COL22A1: variants seen among roughly 807,000 people sequenced by gnomAD.
COL22A1 encodes the protein collagen type XXII alpha 1 chain.
A neutral mutation model predicts 248.9 loss-of-function variants in COL22A1; 221 were observed. The observed-to-expected ratio is 0.89, with a 90% CI of 0.80 to 0.99. The LOEUF (loss-of-function observed/expected upper bound fraction) is 0.99, where lower values mean the gene tolerates loss of function less well. COL22A1 is among the 50% of genes least tolerant of loss of function. The pLI, the probability that COL22A1 is intolerant of heterozygous loss-of-function variation, is 0.00. For missense variants in COL22A1, 2,240 were observed against 2,179.0 expected (o/e 1.03, Z -0.56); for synonymous variants, 891 against 793.4 (o/e 1.12, Z -2.07).
At chr8:138,700,211 C>T in intron 31 of COL22A1, 67 bp from the exon 32 acceptor site, 5 of 1,492,618 alleles carry the variant, frequency 3.3e-6, no homozygotes, top group Non-Finnish European at 4.6e-6. Flanking sequence ...TTTTTAAAAC[C>T]TGCCTTGGAG....
At chr8:138,591,691 C>A (rs1205346620) in intron 63 of COL22A1, among the ~76,000 whole-genome samples, 190 bp from the exon 64 acceptor site, 2 of 152,172 alleles carry the variant, frequency 1.3e-5, no homozygotes, top group African/African-American at 2.4e-5. Context: ...CACACACACA[C>A]TCCAGCACAC....
intron 47 of COL22A1, among the ~76,000 whole-genome samples, chr8:138,643,890 G>A (rs1210116277): frequency 1.3e-5 from 2 of 151,964 alleles, no homozygotes; most frequent in Non-Finnish European, 2.9e-5. Context: ...TAGAAATGAG[G>A]TTTCACCATG....
chr8:138,841,009 GT>G (rs1006556290), intron 4 of COL22A1, among the ~76,000 whole-genome samples: 6 of 152,148 alleles, frequency 3.9e-5, no homozygotes, highest in Non-Finnish European at 5.9e-5. Flanking sequence ...ATGCAGGCAG[GT>G]TTGTTTGTTC....
At chr8:138,754,464 A>C (rs2131357256) in intron 21 of COL22A1, among the ~76,000 whole-genome samples, 1 of 152,376 alleles carries the variant, frequency 6.6e-6, no homozygotes, top group Non-Finnish European at 1.5e-5. Context: ...CTTAAAATAA[A>C]TCTGATCTAT....
At chr8:138,857,663 A>G (rs1472532513) in intron 3 of COL22A1, among the ~76,000 whole-genome samples, 1 of 152,240 alleles carries the variant, frequency 6.6e-6, no homozygotes, top group Non-Finnish European at 1.5e-5. Flanking sequence ...GCTGAGCTGC[A>G]ATGGGTCAAC....
intron 49 of COL22A1, among the ~76,000 whole-genome samples, chr8:138,632,803 C>T (rs1248677167): frequency 6.6e-6 from 1 of 152,142 alleles, no homozygotes; most frequent in Non-Finnish European, 1.5e-5. Flanking sequence ...AATATTTTAA[C>T]AAGTAACCTA....
At chr8:138,727,907 G>A (rs1037743443) in intron 23 of COL22A1, among the ~76,000 whole-genome samples, 2 of 152,150 alleles carry the variant, frequency 1.3e-5, no homozygotes, top group Admixed American at 6.5e-5. Flanking sequence ...ATCGTGGGCT[G>A]AGCCTTACTA....
At chr8:138,801,173 G>A (rs1393321427) in intron 11 of COL22A1, among the ~76,000 whole-genome samples, 3 of 152,028 alleles carry the variant, frequency 2.0e-5, no homozygotes, top group Non-Finnish European at 2.9e-5. Context: ...TGAAGGTGAA[G>A]CACAGCCAAG....
intron 1 of COL22A1, among the ~76,000 whole-genome samples, chr8:138,912,537 T>C (rs1411820857): frequency 6.6e-6 from 1 of 152,136 alleles, no homozygotes; most frequent in African/African-American, 2.4e-5. Flanking sequence ...GGTCGGGAGT[T>C]GGAGACCAGT....
chr8:138,615,103 C>T (rs1168691182), intron 55 of COL22A1, among the ~76,000 whole-genome samples: 2 of 152,204 alleles, frequency 1.3e-5, no homozygotes, highest in African/African-American at 4.8e-5. Flanking sequence ...GGGCTGGTCC[C>T]TGGGGGATGT....
At chr8:138,710,839 C>T (rs1468211229) in intron 30 of COL22A1, among the ~76,000 whole-genome samples, 1 of 152,112 alleles carries the variant, frequency 6.6e-6, no homozygotes, top group Non-Finnish European at 1.5e-5. Context: ...CTCTTCCTGA[C>T]ATTGTTGAAC....
intron 52 of COL22A1, among the ~76,000 whole-genome samples, chr8:138,620,992 TCCAC>T (rs67718853): frequency 0.61 from 76,536 of 125,572 alleles, 25,018 homozygotes; most frequent in Non-Finnish European, 0.75. Context: ...CATCCATCCA[TCCAC>T]CCATCCATCC....
chr8:138,649,480 C>A (rs1364020970), intron 46 of COL22A1, among the ~76,000 whole-genome samples, 185 bp downstream of exon 46: 1 of 152,178 alleles, frequency 6.6e-6, no homozygotes, highest in African/African-American at 2.4e-5. Context: ...GTGACAAAGA[C>A]CCATAGATAC....
At chr8:138,729,266 C>T (rs1019537340) in intron 23 of COL22A1, among the ~76,000 whole-genome samples, 4 of 152,178 alleles carry the variant, frequency 2.6e-5, no homozygotes, top group Non-Finnish European at 4.4e-5. Context: ...CTCAAGGACA[C>T]GGGTCTCACC....
chr8:138,774,060 G>C (rs1216639440), intron 16 of COL22A1, among the ~76,000 whole-genome samples: 4 of 152,192 alleles, frequency 2.6e-5, no homozygotes. Flanking sequence ...CACCATGTGA[G>C]GGAAGGAGCA....
chr8:138,661,925 C>T (rs2130693071), intron 43 of COL22A1, 105 bp downstream of exon 43: 1 of 746,512 alleles, frequency 1.3e-6, no homozygotes, highest in Non-Finnish European at 2.1e-6. Flanking sequence ...AACCGGGCTA[C>T]AAAGTTGGCC....
intron 3 of COL22A1, among the ~76,000 whole-genome samples, chr8:138,858,149 C>T (rs148062146): frequency 4.4e-4 from 67 of 152,270 alleles, no homozygotes; most frequent in African/African-American, 1.6e-3. Context: ...AAGCCTTGTG[C>T]TTTACGTGTG....
rs186349328 is a variant in COL22A1 at position 138,594,663 on chromosome 8, T to C, written c.4433-464A>G. ...AGTAAGTGAGATGATGCATGTGGAATAGTGCCTGGCACTTGCTAAGTGCTC... is the reference window on the plus strand; with the variant it reads ...AGTAAGTGAGATGATGCATGTGGAACAGTGCCTGGCACTTGCTAAGTGCTC... On this transcript the variant is annotated intron_variant, in intron 62 of 64. Coordinates refer to ENST00000303045, the MANE Select transcript of COL22A1 (RefSeq NM_152888.3). 2.1e-3 allele frequency among the ~76,000 whole-genome samples: 315 copies of C among 152,268 alleles called. 2 individuals are homozygous for C. The highest frequency in any genetic ancestry group is 7.3e-3 in the African/African-American group (303 of 41,554).
intron 22 of COL22A1, among the ~76,000 whole-genome samples, chr8:138,743,657 A>G (rs1260923757): frequency 6.6e-6 from 1 of 152,224 alleles, no homozygotes; most frequent in Non-Finnish European, 1.5e-5. Context: ...TTGTAGCAAT[A>G]AAGAGCTGTT....
Sources: allele counts gnomAD v4.1 joint callset (sites outside exome capture counted in the v4.1 genomes callset), GRCh38; gene constraint gnomAD v4.1.1; transcripts MANE v1.5; gene names NCBI Gene and HGNC (gene_info 2026-07-23, HGNC 2026-07-21).